The following SDC2 variants were observed in gnomAD, a reference collection of about 807,000 sequenced individuals.
SDC2 encodes the protein syndecan 2.
SDC2 carries 13 observed loss-of-function variants against 22.2 expected under a neutral mutation model. The ratio of observed to expected loss-of-function variants is 0.59; its 90% CI spans 0.38 to 0.93. The LOEUF is 0.93. Among genes scored for constraint, SDC2 ranks in the 40% least tolerant of loss-of-function variants. SDC2 has a pLI of 0.00. For missense variants in SDC2, 235 were observed against 246.8 expected (o/e 0.95, Z 0.32); for synonymous variants, 94 against 92.8 (o/e 1.01, Z -0.07).
chr8:96,512,956 C>T (rs890351557), intron 1 of SDC2, among the ~76,000 whole-genome samples: 18 of 152,016 alleles, frequency 1.2e-4, no homozygotes, highest in African/African-American at 3.4e-4. Context: ...TTGTGTTTAC[C>T]GTCTCCTTCT....
At chr8:96,544,392 T>C (rs868206180) in intron 1 of SDC2, among the ~76,000 whole-genome samples, 2 of 152,128 alleles carry the variant, frequency 1.3e-5, no homozygotes, top group Non-Finnish European at 2.9e-5. Context: ...TTACCTCTTG[T>C]CCTTCCTGCT....
At chr8:96,537,214 C>T (rs1813767809) in intron 1 of SDC2, 1 of 152,098 alleles carries the variant, frequency 6.6e-6, no homozygotes, top group South Asian at 2.1e-4. Flanking sequence ...AAGGTTTTTC[C>T]TTCTTACCAA....
chr8:96,594,385 G>A (rs1020968036), intron 2 of SDC2, among the ~76,000 whole-genome samples: 3 of 152,120 alleles, frequency 2.0e-5, no homozygotes, highest in South Asian at 2.1e-4. Flanking sequence ...GGTTCTGTTC[G>A]TGTGGTCTCT....
chr8:96,581,631 CT>C (rs1287067166), intron 1 of SDC2, among the ~76,000 whole-genome samples: 1 of 118,808 alleles, frequency 8.4e-6, no homozygotes, highest in Non-Finnish European at 2.0e-5. Flanking sequence ...GACTCTGTCT[CT>C]TAAAAAAAAA....
chr8:96,539,553 C>T (rs1435471826), intron 1 of SDC2, among the ~76,000 whole-genome samples: 1 of 152,166 alleles, frequency 6.6e-6, no homozygotes, highest in East Asian at 1.9e-4. Context: ...TCTAAATGAG[C>T]GTGTTAAGTA....
intron 1 of SDC2, among the ~76,000 whole-genome samples, chr8:96,528,153 TCTTTG>T (rs1283277354): frequency 2.0e-5 from 3 of 152,196 alleles, no homozygotes; most frequent in Non-Finnish European, 4.4e-5. Flanking sequence ...TCTATTTATA[TCTTTG>T]CTTTGGTGAC....
At chr8:96,545,766 C>T (rs1165061925) in intron 1 of SDC2, among the ~76,000 whole-genome samples, 4 of 152,172 alleles carry the variant, frequency 2.6e-5, no homozygotes, top group Admixed American at 6.5e-5. Context: ...GCCTGGGCGT[C>T]GGCATTTCTA....
chr8:96,522,925 A>G (rs1420122523), intron 1 of SDC2, among the ~76,000 whole-genome samples: 3 of 152,158 alleles, frequency 2.0e-5, no homozygotes, highest in Non-Finnish European at 2.9e-5. Flanking sequence ...CTTTATACAA[A>G]TGAGTGTATT....
intron 1 of SDC2, among the ~76,000 whole-genome samples, chr8:96,566,808 G>A (rs1418837653): frequency 6.6e-6 from 1 of 151,906 alleles, no homozygotes; most frequent in African/African-American, 2.4e-5. Context: ...TATTTAGGGA[G>A]GGGGGTGTGG....
chr8:96,527,868 T>C (rs527656976), intron 1 of SDC2, among the ~76,000 whole-genome samples: 76 of 152,316 alleles, frequency 5.0e-4, no homozygotes, highest in African/African-American at 8.7e-4. Flanking sequence ...TATAGTTCAT[T>C]TGGAAGACTA....
intron 1 of SDC2, among the ~76,000 whole-genome samples, chr8:96,531,534 G>T (rs879290124): frequency 1.4e-4 from 22 of 152,224 alleles, no homozygotes; most frequent in Admixed American, 9.8e-4. Context: ...TTTACACAAA[G>T]AATGTACTCA....
chr8:96,498,294 T>C (rs778368213), intron 1 of SDC2, among the ~76,000 whole-genome samples: 13 of 152,140 alleles, frequency 8.5e-5, no homozygotes, highest in Non-Finnish European at 1.6e-4. Flanking sequence ...TTTCATGCCT[T>C]CAGTGGCCAG....
chr8:96,584,092 AT>A (rs1278705811), intron 1 of SDC2, among the ~76,000 whole-genome samples: 5 of 152,238 alleles, frequency 3.3e-5, no homozygotes, highest in Non-Finnish European at 5.9e-5. Context: ...GTTAGTTGGC[AT>A]CTTTTAAATA....
intron 1 of SDC2, among the ~76,000 whole-genome samples, chr8:96,542,834 C>G (rs1813873752): frequency 6.6e-6 from 1 of 152,158 alleles, no homozygotes; most frequent in South Asian, 2.1e-4. Flanking sequence ...GACCATATGT[C>G]CCAGTTTTAA....
At chr8:96,526,798 C>G (rs1813585633) in intron 1 of SDC2, among the ~76,000 whole-genome samples, 1 of 152,106 alleles carries the variant, frequency 6.6e-6, no homozygotes, top group African/African-American at 2.4e-5. Context: ...GCCAGGGCTC[C>G]TGATTTTCCC....
chr8:96,535,660 A>G (rs890832752), intron 1 of SDC2, among the ~76,000 whole-genome samples: 1 of 152,218 alleles, frequency 6.6e-6, no homozygotes, highest in Non-Finnish European at 1.5e-5. Context: ...CACTTGGTAA[A>G]TGTGAGGTGT....
At chr8:96,498,178 A>G (rs929626670) in intron 1 of SDC2, among the ~76,000 whole-genome samples, 2 of 152,154 alleles carry the variant, frequency 1.3e-5, no homozygotes, top group African/African-American at 4.8e-5. Context: ...TTCTGCAGAT[A>G]TTTATTTCAT....
At chr8:96,586,747 A>T (rs1814693771) in intron 1 of SDC2, among the ~76,000 whole-genome samples, 1 of 152,068 alleles carries the variant, frequency 6.6e-6, no homozygotes, top group Non-Finnish European at 1.5e-5. Flanking sequence ...ATGTAACCTG[A>T]TTATTTTTTT....
chr8:96,510,795 G>A (rs559855939), intron 1 of SDC2, among the ~76,000 whole-genome samples: 1 of 152,300 alleles, frequency 6.6e-6, no homozygotes, highest in South Asian at 2.1e-4. Flanking sequence ...TTTTGGTGAT[G>A]ATGGGGTTAA....
Sources: gnomAD v4.1 joint callset for allele counts (sites outside exome capture counted in the v4.1 genomes callset) on GRCh38, gnomAD v4.1.1 for gene constraint, MANE v1.5 for transcripts, NCBI Gene and HGNC (gene_info 2026-07-23, HGNC 2026-07-21) for gene names.